The following TMEM33 variants were observed in gnomAD, a reference collection of about 807,000 sequenced individuals.
TMEM33 encodes transmembrane protein 33.
In TMEM33, 16 loss-of-function variants were observed where a neutral mutation model predicts 29.7. The observed-to-expected ratio is 0.54, with a 90% CI of 0.36 to 0.82. TMEM33 has a LOEUF of 0.82. Ranked by LOEUF, TMEM33 falls within the 40% of genes least tolerant of loss-of-function variation. The pLI is 0.00. For missense variants in TMEM33, 252 were observed against 295.3 expected (o/e 0.85, Z 1.08); for synonymous variants, 112 against 109.4 (o/e 1.02, Z -0.15).
rs1713410594 is a variant in TMEM33 at position 41,959,998 on chromosome 4, C to G, written c.*5799C>G. The G allele has an allele frequency of 6.6e-6, 1 of 152,048 alleles. No individual in the cohort carries two copies. The highest frequency in any genetic ancestry group is 1.5e-5 in the Non-Finnish European group (1 of 68,004). The allele number at this position is 152,048 out of a possible 1,614,324, so 9.4% of individuals were successfully genotyped here. A position where few individuals can be genotyped will look rare whatever the true frequency, so the allele number is the denominator to read the frequency against. On this transcript the variant is annotated 3_prime_UTR_variant, in exon 7 of 7. Transcript: ENST00000504986. ...ATTCTTCAGGCCAATACTATCCAGA[C>G]TATATAAATTTATAAAATAAATTGA... is the stretch of plus-strand genomic sequence containing the variant.
intron 3 of TMEM33, among the ~76,000 whole-genome samples, chr4:41,940,188 C>G (rs1242630698): frequency 1.3e-5 from 2 of 150,232 alleles, no homozygotes; most frequent in Admixed American, 1.3e-4. Flanking sequence ...GGGTTCTTTA[C>G]TATAGTGGCT....
chr4:41,937,933 G>A (rs961561062), intron 1 of TMEM33, among the ~76,000 whole-genome samples: 1 of 152,236 alleles, frequency 6.6e-6, no homozygotes, highest in Non-Finnish European at 1.5e-5. Flanking sequence ...GGGGAACATG[G>A]AGGTGATAAA....
At chr4:41,936,438 G>A (rs1712238280) in intron 1 of TMEM33, among the ~76,000 whole-genome samples, 1 of 152,230 alleles carries the variant, frequency 6.6e-6, no homozygotes, top group Non-Finnish European at 1.5e-5. Context: ...AGCACTTTGG[G>A]AGGCCAAGGC....
At chr4:41,948,107 G>C (rs1315358598) in intron 5 of TMEM33, among the ~76,000 whole-genome samples, 1 of 152,056 alleles carries the variant, frequency 6.6e-6, no homozygotes. Flanking sequence ...ATTTAGTGGG[G>C]TGTATGTGTG....
intron 5 of TMEM33, among the ~76,000 whole-genome samples, chr4:41,948,856 C>T (rs990004219): frequency 4.0e-5 from 6 of 151,894 alleles, no homozygotes; most frequent in Admixed American, 1.3e-4. Flanking sequence ...TAACCAAGAA[C>T]AATAATTAGT....
At chr4:41,952,730 G>A (rs965487580) in intron 6 of TMEM33, among the ~76,000 whole-genome samples, 3 of 152,162 alleles carry the variant, frequency 2.0e-5, no homozygotes, top group East Asian at 1.9e-4. Flanking sequence ...GGCTTTAGTC[G>A]GAAGGCATAA....
At chr4:41,939,458 A>G (rs1199221127) in intron 3 of TMEM33, 75 bp downstream of exon 3, 11 of 1,490,134 alleles carry the variant, frequency 7.4e-6, no homozygotes, top group African/African-American at 1.4e-5. Flanking sequence ...TATTTCAGCA[A>G]TGAAGGCATT....
At chr4:41,938,540 TCTTGATG>T in intron 1 of TMEM33, 55 bp from the exon 2 acceptor site, 1 of 1,469,134 alleles carries the variant, frequency 6.8e-7, no homozygotes, top group South Asian at 1.1e-5. Flanking sequence ...AACCACACAG[TCTTGATG>T]CTTAAAAACA....
chr4:41,945,881 G>T (rs546863646), intron 5 of TMEM33, among the ~76,000 whole-genome samples: 4 of 146,116 alleles, frequency 2.7e-5, no homozygotes, highest in Non-Finnish European at 4.5e-5. Context: ...TGAGACAGGA[G>T]AATTGTTTGA....
At chr4:41,943,264 C>G (rs1440380132) in intron 3 of TMEM33, among the ~76,000 whole-genome samples, 1 of 152,188 alleles carries the variant, frequency 6.6e-6, no homozygotes, top group Non-Finnish European at 1.5e-5. Context: ...GTGACTCACA[C>G]CTGTAATCCC....
At chr4:41,949,597 G>A (rs1250487923) in intron 6 of TMEM33, among the ~76,000 whole-genome samples, 2 of 152,092 alleles carry the variant, frequency 1.3e-5, no homozygotes, top group Admixed American at 6.5e-5. Context: ...AGTTATCTAC[G>A]CCACCTCTAA....
intron 3 of TMEM33, 99 bp downstream of exon 3, chr4:41,939,482 G>C: frequency 7.7e-7 from 1 of 1,296,590 alleles, no homozygotes; most frequent in Non-Finnish European, 1.1e-6. Context: ...TGAAGCCTGG[G>C]TTTGTTCTCG....
At chr4:41,947,766 CA>C (rs1712858653) in intron 5 of TMEM33, among the ~76,000 whole-genome samples, 1 of 152,142 alleles carries the variant, frequency 6.6e-6, no homozygotes, top group Non-Finnish European at 1.5e-5. Context: ...GGTATACACA[CA>C]GTCTAATATT....
At chr4:41,941,745 A>T (rs1041543153) in intron 3 of TMEM33, among the ~76,000 whole-genome samples, 1 of 152,252 alleles carries the variant, frequency 6.6e-6, no homozygotes, top group Non-Finnish European at 1.5e-5. Context: ...TTAAAGTGAT[A>T]TGGTAATAAA....
chr4:41,947,666 A>G (rs532096121), intron 5 of TMEM33, among the ~76,000 whole-genome samples: 1 of 152,210 alleles, frequency 6.6e-6, no homozygotes, highest in African/African-American at 2.4e-5. Context: ...AAAGCTGTTA[A>G]TGCCTTAAGT....
In TMEM33 at chr4:41,954,056, A is replaced by G. The variant is rs375451855; in HGVS notation, c.615-14A>G. On this transcript the variant is annotated splice_polypyrimidine_tract_variant and intron_variant, in intron 6 of 6. Transcript: ENST00000504986. ...TTCCTTGTGTTTCTCAAAGAAAACT[A>G]TTTTGTCTTGCAGGACCTTATTTAA... is the stretch of plus-strand genomic sequence containing the variant. The G allele has an allele frequency of 6.2e-7, 1 of 1,611,732 alleles. No homozygotes were observed. Among genetic ancestry groups the G allele is most frequent in the African/African-American group, 1.3e-5 (1 of 74,804 alleles).
chr4:41,945,625 TATGG>T (rs1327715984), intron 5 of TMEM33, among the ~76,000 whole-genome samples: 3 of 152,120 alleles, frequency 2.0e-5, no homozygotes, highest in Non-Finnish European at 4.4e-5. Flanking sequence ...ACATATATAT[TATGG>T]ATGTGGAGTT....
chr4:41,940,807 C>CA (rs11390153), intron 3 of TMEM33, among the ~76,000 whole-genome samples: 9,100 of 51,112 alleles, frequency 0.18, 783 homozygotes, highest in African/African-American at 0.22. Flanking sequence ...GACTCCTTCT[C>CA]AAAAAAAAAA....
At chr4:41,936,490 C>G (rs1237044602) in intron 1 of TMEM33, among the ~76,000 whole-genome samples, 1 of 152,162 alleles carries the variant, frequency 6.6e-6, no homozygotes, top group Non-Finnish European at 1.5e-5. Flanking sequence ...CTGCCGTGAG[C>G]CAAGATCGCG....
Sources: gnomAD v4.1 joint callset for allele counts (sites outside exome capture counted in the v4.1 genomes callset) on GRCh38, gnomAD v4.1.1 for gene constraint, MANE v1.5 for transcripts, NCBI Gene and HGNC (gene_info 2026-07-23, HGNC 2026-07-21) for gene names.